The following WNK2 variants were observed in gnomAD, a reference collection of about 807,000 sequenced individuals.
The protein encoded by WNK2 is serine/threonine-protein kinase WNK2.
WNK2 carries 67 observed loss-of-function variants against 192.1 expected under a neutral mutation model. The ratio of observed to expected loss-of-function variants is 0.35; its 90% CI spans 0.29 to 0.43. WNK2 has a LOEUF of 0.43. Among genes scored for constraint, WNK2 ranks in the 20% least tolerant of loss-of-function variants. WNK2 has a pLI of 1.00. For missense variants in WNK2, 2,698 were observed against 3,089.7 expected, an observed-to-expected ratio of 0.87 and a Z score of 3.01; for synonymous variants, 1,439 against 1,393.9, an observed-to-expected ratio of 1.03 and a Z score of -0.72.
At chr9:93,235,043 G>A (rs970987578) in intron 5 of WNK2, 78 bp downstream of exon 5, 1 of 1,536,620 alleles carries the variant, frequency 6.5e-7, no homozygotes, top group Admixed American at 1.9e-5. Context: ...GCTCCATGTG[G>A]CTCTGTAAAG....
At chr9:93,250,944 C>G (rs1029042877) in intron 8 of WNK2, among the ~76,000 whole-genome samples, 1 of 150,498 alleles carries the variant, frequency 6.6e-6, no homozygotes, top group Admixed American at 6.6e-5. Context: ...GCCACCATGC[C>G]TTGGCTAATT....
At chr9:93,310,442 C>A (rs1215947146) in intron 28 of WNK2, among the ~76,000 whole-genome samples, 1 of 150,982 alleles carries the variant, frequency 6.6e-6, no homozygotes. Flanking sequence ...TTTGTCATGG[C>A]AAAAAAATAT....
At chr9:93,202,234 G>GCC (rs2131280256) in intron 2 of WNK2, among the ~76,000 whole-genome samples, 1 of 152,230 alleles carries the variant, frequency 6.6e-6, no homozygotes, top group South Asian at 2.1e-4. Flanking sequence ...TCCTACCCAT[G>GCC]CCCCACTCCA....
rs550485376 is a variant in WNK2 at position 93,300,088 on chromosome 9, C to T, written c.6153C>T (p.Thr2051=). The T allele has an allele frequency of 1.9e-6, 3 of 1,613,510 alleles. No homozygotes were observed. Among genetic ancestry groups the T allele is most frequent in the Admixed American group, 3.3e-5 (2 of 59,994 alleles). ...TVYHPTSERV[T]YKSSSKPRAR... Reference sequence around the variant, plus strand: ...ACCACCCAACGTCTGAGAGAGTGACCTATAAGTCTAGTAGCAAACCTCGTG... The same window carrying T: ...ACCACCCAACGTCTGAGAGAGTGACTTATAAGTCTAGTAGCAAACCTCGTG... The change falls in exon 26 of 30, where the codon ACC becomes ACT. Residue 2051 remains threonine (T), a synonymous_variant. Coordinates refer to ENST00000427277, the MANE Select transcript of WNK2 (RefSeq NM_006648.4).
intron 7 of WNK2, among the ~76,000 whole-genome samples, chr9:93,241,599 G>A (rs1238305370): frequency 1.3e-5 from 2 of 152,038 alleles, no homozygotes; most frequent in South Asian, 2.1e-4. Context: ...TGGGAGGGGC[G>A]GCTGCTCTGG....
chr9:93,226,741 T>G (rs964159322), intron 2 of WNK2, among the ~76,000 whole-genome samples: 2 of 152,212 alleles, frequency 1.3e-5, no homozygotes, highest in African/African-American at 4.8e-5. Context: ...TTCTTTTGTT[T>G]GGCTTCTTTT....
At chr9:93,294,622 G>A (rs2133922585) in intron 23 of WNK2, among the ~76,000 whole-genome samples, 1 of 152,328 alleles carries the variant, frequency 6.6e-6, no homozygotes, top group Middle Eastern at 3.4e-3. Flanking sequence ...GTAGGGGGCA[G>A]GAAGGTGTGG....
At chr9:93,311,009 A>G (rs1853553415) in intron 28 of WNK2, among the ~76,000 whole-genome samples, 1 of 152,160 alleles carries the variant, frequency 6.6e-6, no homozygotes, top group Non-Finnish European at 1.5e-5. Flanking sequence ...ACCACTGTTC[A>G]TCTCCATCTC....
intron 2 of WNK2, among the ~76,000 whole-genome samples, chr9:93,212,334 G>T (rs1457245484): frequency 6.6e-6 from 1 of 152,212 alleles, no homozygotes; most frequent in African/African-American, 2.4e-5. Flanking sequence ...GGCTTGGTGT[G>T]GCTTGACTGC....
At chr9:93,231,924 G>A (rs898784848) in intron 4 of WNK2, among the ~76,000 whole-genome samples, 3 of 152,204 alleles carry the variant, frequency 2.0e-5, no homozygotes, top group East Asian at 1.9e-4. Context: ...GGGCCTCCAC[G>A]GACTTTGAAA....
intron 2 of WNK2, among the ~76,000 whole-genome samples, chr9:93,211,294 T>TCGCA (rs1563998059): frequency 7.0e-6 from 1 of 142,972 alleles, no homozygotes; most frequent in Non-Finnish European, 1.5e-5. Context: ...ACTCATACAC[T>TCGCA]CAGTCACTCA....
Position 93,289,224 on chromosome 9 carries a change from G to A in WNK2, c.4470G>A (p.Gln1490=), listed in dbSNP as rs758671613. 6.2e-7 allele frequency: 1 copy of A among 1,604,662 alleles called. No individual in the cohort carries two copies. The highest frequency in any genetic ancestry group is 1.3e-5 in the African/African-American group (1 of 74,860). The change falls in exon 20 of 30, where the codon CAG becomes CAA. Residue 1490 remains glutamine (Q), a synonymous_variant. Coordinates refer to ENST00000427277, the MANE Select transcript of WNK2 (RefSeq NM_006648.4). ...PEPSPHSGTP[Q]PALGQPAPLL... ...CCAGCCCCCACAGCGGGACCCCACAGCCCGCCTTGGGTCAACCTGCTCCCC... is the reference window on the plus strand; with the variant it reads ...CCAGCCCCCACAGCGGGACCCCACAACCCGCCTTGGGTCAACCTGCTCCCC...
In WNK2 at chr9:93,185,197, C is replaced by T; in HGVS notation, c.268C>T (p.Arg90Cys). 8.6e-7 allele frequency: 1 copy of T among 1,162,220 alleles called. No individual in the cohort carries two copies. The highest frequency in any genetic ancestry group is 3.9e-5 in the South Asian group (1 of 25,694). The allele number at this position is 1,162,220 out of a possible 1,614,324, so 72.0% of individuals were successfully genotyped here. The change falls in exon 2 of 30, where the codon CGC becomes TGC. Residue 90 changes from arginine (R) to cysteine (C), a missense_variant. Physicochemically the swap from Arg to Cys is radical, Grantham distance 180 (BLOSUM62 -3). This residue lies in a region of WNK2 where 260 missense variants were observed against 285.6 expected (regional missense o/e 0.91). Coordinates refer to ENST00000427277, the MANE Select transcript of WNK2 (RefSeq NM_006648.4). Reference sequence around the variant, plus strand: ...GCGCCGCCTCATCGCGGAGCGCGCCCGCGGACGCCCCGCCGCCCCCGCGCC... The same window carrying T: ...GCGCCGCCTCATCGCGGAGCGCGCCTGCGGACGCCCCGCCGCCCCCGCGCC... ...KTRRLIAERA[R>C]GRPAAPAPAA... is the part of the protein sequence containing the mutation.
intron 28 of WNK2, among the ~76,000 whole-genome samples, chr9:93,313,628 GA>G (rs2061097990): frequency 6.6e-6 from 1 of 151,936 alleles, no homozygotes; most frequent in African/African-American, 2.4e-5. Flanking sequence ...ATTTGCCTTA[GA>G]GCAAATTAAA....
chr9:93,211,732 C>T (rs1341643215), intron 2 of WNK2, among the ~76,000 whole-genome samples: 3 of 152,278 alleles, frequency 2.0e-5, no homozygotes, highest in East Asian at 1.9e-4. Context: ...TTCACTTACT[C>T]ATCCAGTCAC....
intron 29 of WNK2, 128 bp downstream of exon 29, chr9:93,317,759 CA>C: frequency 7.5e-6 from 11 of 1,466,856 alleles, no homozygotes; most frequent in Non-Finnish European, 1.0e-5. Flanking sequence ...GGGCACAGGG[CA>C]GCTGGAACAC....
intron 23 of WNK2, among the ~76,000 whole-genome samples, chr9:93,295,295 G>A (rs55795421): frequency 0.032 from 4,879 of 152,252 alleles, 128 homozygotes; most frequent in East Asian, 0.099. Context: ...CCACGCAGCC[G>A]CTCCCCAACG....
intron 28 of WNK2, chr9:93,309,085 T>A: frequency 1.0e-6 from 1 of 988,116 alleles, no homozygotes; most frequent in Non-Finnish European, 1.2e-6. Flanking sequence ...ACTTGTTTGA[T>A]GTCAGCGCGA....
intron 5 of WNK2, among the ~76,000 whole-genome samples, chr9:93,237,772 C>T (rs1196422657): frequency 6.6e-6 from 1 of 152,206 alleles, no homozygotes; most frequent in Non-Finnish European, 1.5e-5. Flanking sequence ...TCACCCGGCC[C>T]TGTGGCATTG....
Sources: allele counts gnomAD v4.1 joint callset (sites outside exome capture counted in the v4.1 genomes callset), GRCh38; gene constraint gnomAD v4.1.1; regional missense constraint gnomAD v4.1.1; transcripts MANE v1.5; gene names NCBI Gene and HGNC (gene_info 2026-07-23, HGNC 2026-07-21).